Variants in ELP3 observed in about 807,000 individuals in gnomAD.
ELP3 encodes the protein elongator acetyltransferase complex subunit 3.
A neutral mutation model predicts 74.9 loss-of-function variants in ELP3; 56 were observed. The observed-to-expected ratio is 0.75, with a 90% confidence interval of 0.60 to 0.93. The LOEUF (loss-of-function observed/expected upper bound fraction) is 0.93. Among genes scored for constraint, ELP3 ranks in the 40% least tolerant of loss-of-function variants. The pLI is 0.00. For synonymous variants in ELP3, 222 were observed against 239.8 expected (o/e 0.93, Z 0.68); for missense variants, 573 against 686.5 (o/e 0.83, Z 1.85).
intron 14 of ELP3, among the ~76,000 whole-genome samples, chr8:28,176,525 T>C (rs1814761763): frequency 6.6e-6 from 1 of 152,210 alleles, no homozygotes; most frequent in African/African-American, 2.4e-5. Flanking sequence ...TGCTGTTCCC[T>C]GAGTGAAGTT....
intron 14 of ELP3, among the ~76,000 whole-genome samples, chr8:28,186,652 G>C (rs960919487): frequency 6.6e-6 from 1 of 152,232 alleles, no homozygotes; most frequent in African/African-American, 2.4e-5. Context: ...CTTCTTGCAG[G>C]TGGGGACTTT....
intron 3 of ELP3, among the ~76,000 whole-genome samples, chr8:28,103,883 C>T (rs952193849): frequency 6.6e-6 from 1 of 152,220 alleles, no homozygotes; most frequent in African/African-American, 2.4e-5. Context: ...GCATGCACCA[C>T]CACACCAGCT....
At chr8:28,099,391 CAAG>C (rs1471816071) in intron 2 of ELP3, among the ~76,000 whole-genome samples, 1 of 151,960 alleles carries the variant, frequency 6.6e-6, no homozygotes, top group Non-Finnish European at 1.5e-5. Context: ...AACAGGAAGA[CAAG>C]AAGAAGGCTG....
rs763518223 is a variant in ELP3, at chr8:28,113,068, G to T, written c.512G>T (p.Gly171Val). 49 of 1,613,800 alleles carry T rather than the reference G, an allele frequency of 3.0e-5. No homozygotes were observed. Among genetic ancestry groups the T allele is most frequent in the Non-Finnish European group, 4.2e-5 (49 of 1,179,922 alleles). The change falls in exon 7 of 15, where the codon GGT becomes GTT. Residue 171 changes from glycine (G) to valine (V), a missense_variant. Physicochemically the swap from Gly to Val is moderately radical, Grantham distance 109 (BLOSUM62 -3). Coordinates refer to ENST00000256398, the MANE Select transcript of ELP3 (RefSeq NM_018091.6). ...GATAAAGTGGAGTTTATTGTGATGG[G>T]TGGAACGTTTATGGCCCTTCCAGAA... ...SVDKVEFIVM[G>V]GTFMALPEEY... is the part of the protein sequence containing the mutation.
chr8:28,180,704 T>C (rs1270037689), intron 14 of ELP3, among the ~76,000 whole-genome samples: 15 of 152,202 alleles, frequency 9.9e-5, no homozygotes, highest in Non-Finnish European at 1.5e-5. Context: ...CTGTTTCCTT[T>C]AGCCAGGCAT....
chr8:28,101,796 G>T (rs1312582560), intron 3 of ELP3, among the ~76,000 whole-genome samples: 1 of 152,006 alleles, frequency 6.6e-6, no homozygotes, highest in Non-Finnish European at 1.5e-5. Context: ...CACTATGTTG[G>T]CCAGGCTGGT....
intron 14 of ELP3, among the ~76,000 whole-genome samples, chr8:28,177,330 A>ATAT (rs1814798847): frequency 6.6e-6 from 1 of 152,220 alleles, no homozygotes; most frequent in African/African-American, 2.4e-5. Flanking sequence ...CCCAACTTTG[A>ATAT]TATCAGTGTA....
chr8:28,167,710 T>C (rs182803714), intron 14 of ELP3, among the ~76,000 whole-genome samples: 13 of 152,184 alleles, frequency 8.5e-5, no homozygotes, highest in Non-Finnish European at 1.6e-4. Flanking sequence ...TGTCCTTTTG[T>C]ACTATCTTTG....
At chr8:28,135,191 G>C (rs929223122) in intron 9 of ELP3, among the ~76,000 whole-genome samples, 3 of 152,232 alleles carry the variant, frequency 2.0e-5, no homozygotes, top group Non-Finnish European at 4.4e-5. Flanking sequence ...GCCTCCCAAA[G>C]TGCTGGGATT....
intron 14 of ELP3, 27 bp downstream of exon 14, chr8:28,162,105 A>T (rs776397221): frequency 2.5e-6 from 4 of 1,610,398 alleles, no homozygotes; most frequent in Non-Finnish European, 3.4e-6. Flanking sequence ...GAAGTTCATG[A>T]TTCCTTCCCA....
rs1815412972 is a variant in ELP3 at position 28,190,360 on chromosome 8, T to C, written c.*635T>C. The stretch of plus-strand genomic sequence containing the variant: ...CAGCAGCCTCTCCCAGGCGGGAGTC[T>C]ACCATCCGAGACGGCGATGACAAAG... On this transcript the variant is annotated 3_prime_UTR_variant, in exon 15 of 15. Coordinates refer to ENST00000256398, the MANE Select transcript of ELP3 (RefSeq NM_018091.6). 1 of 152,270 alleles carries C rather than the reference T, an allele frequency of 6.6e-6. No individual in the cohort carries two copies. The highest frequency in any genetic ancestry group is 2.4e-5 in the African/African-American group (1 of 41,442). 9.4% of individuals were successfully genotyped at this position (152,270 alleles called of 1,614,324 possible). A position where few individuals can be genotyped will look rare whatever the true frequency, so the allele number is the denominator to read the frequency against.
At chr8:28,094,280 A>T (rs1811165631) in intron 1 of ELP3, among the ~76,000 whole-genome samples, 1 of 152,256 alleles carries the variant, frequency 6.6e-6, no homozygotes, top group African/African-American at 2.4e-5. Flanking sequence ...TCTGGCCGCC[A>T]ACCTCCTAAC....
At chr8:28,161,384 G>A (rs1814079764) in intron 13 of ELP3, among the ~76,000 whole-genome samples, 1 of 152,056 alleles carries the variant, frequency 6.6e-6, no homozygotes, top group Admixed American at 6.6e-5. Flanking sequence ...GACCAGCCTG[G>A]CCAACCTGGT....
chr8:28,093,201 A>T lies in ELP3; in HGVS notation c.-14A>T. On this transcript the variant is annotated 5_prime_UTR_variant, in exon 1 of 15. Coordinates refer to ENST00000256398, the MANE Select transcript of ELP3 (RefSeq NM_018091.6). The stretch of plus-strand genomic sequence containing the variant: ...CATTTTTATCTCTGGTGGCTCTGCT[A>T]CGGCGGCGCAGAAATGAGGCAGAAG... 1 of 1,612,876 alleles carries T rather than the reference A, an allele frequency of 6.2e-7. No homozygotes were observed. Among genetic ancestry groups the T allele is most frequent in the South Asian group, 1.1e-5 (1 of 90,512 alleles).
At chr8:28,092,502 T>G (rs1269531193), upstream of ELP3, among the ~76,000 whole-genome samples, 1 of 152,192 alleles carries the variant, frequency 6.6e-6, no homozygotes, top group East Asian at 1.9e-4. Flanking sequence ...ATGGGCATAG[T>G]GCTAGTATTA....
At chr8:28,163,730 G>T (rs1360966670) in intron 14 of ELP3, among the ~76,000 whole-genome samples, 1 of 152,206 alleles carries the variant, frequency 6.6e-6, no homozygotes. Flanking sequence ...CTCTGCACAT[G>T]TGTCTGTGTA....
intron 10 of ELP3, among the ~76,000 whole-genome samples, chr8:28,152,665 G>A (rs985074198): frequency 2.0e-5 from 3 of 152,152 alleles, no homozygotes; most frequent in Admixed American, 1.3e-4. Context: ...AATTAGCCGG[G>A]TGTGGTGGCA....
intron 7 of ELP3, among the ~76,000 whole-genome samples, chr8:28,127,003 A>G (rs1382888214): frequency 6.6e-6 from 1 of 152,232 alleles, no homozygotes; most frequent in East Asian, 1.9e-4. Context: ...AAGCCTTTTT[A>G]TAAATATAAA....
chr8:28,177,136 T>G (rs1814789651), intron 14 of ELP3, among the ~76,000 whole-genome samples: 5 of 152,238 alleles, frequency 3.3e-5, no homozygotes, highest in Admixed American at 3.3e-4. Context: ...GTACTCTGTA[T>G]TTCCACAGTG....
Sources: gnomAD v4.1 joint callset for allele counts (sites outside exome capture counted in the v4.1 genomes callset) on GRCh38, gnomAD v4.1.1 for gene constraint, MANE v1.5 for transcripts, NCBI Gene and HGNC (gene_info 2026-07-23, HGNC 2026-07-21) for gene names.